The following CDH3 variants were observed in gnomAD, a reference collection of about 807,000 sequenced individuals.
CDH3 encodes cadherin 3.
Under a neutral mutation model 82.0 loss-of-function variants are expected in CDH3, and 54 were observed. The observed-to-expected ratio is 0.66, with a 90% CI of 0.53 to 0.83. The LOEUF is 0.83. Among genes scored for constraint, CDH3 ranks in the 40% least tolerant of loss-of-function variants. CDH3 has a pLI of 0.00. For synonymous variants in CDH3, 446 were observed against 437.9 expected (o/e 1.02, Z -0.23); for missense variants, 1,054 against 1,084.6 (o/e 0.97, Z 0.40).
chr16:68,705,916 T>A (rs1961955408), intron 1 of CDH3, among the ~76,000 whole-genome samples: 1 of 151,224 alleles, frequency 6.6e-6, no homozygotes, highest in South Asian at 2.1e-4. Context: ...ATACAAAACA[T>A]TAGCGCGGCG....
Position 68,646,080 on chromosome 16 carries a change from A to C in CDH3, c.160+330A>C. 3 of 360,994 alleles carry C rather than the reference A, an allele frequency of 8.3e-6. No individual in the cohort carries two copies. In the South Asian group the frequency reaches 1.0e-4, roughly 12 times the overall value. 22.4% of individuals were successfully genotyped at this position (360,994 alleles called of 1,614,324 possible). ...GCCCCAGCAGAGGAATGCGCCGGCC[A>C]CATTCTTCCCCCAACCCGCGCGCAG... On this transcript the variant is annotated intron_variant, in intron 2 of 15. Transcript: ENST00000264012.
At chr16:68,686,839 A>G (rs958574256) in intron 11 of CDH3, among the ~76,000 whole-genome samples, 1 of 152,184 alleles carries the variant, frequency 6.6e-6, no homozygotes, top group Non-Finnish European at 1.5e-5. Context: ...GTGGTGGCAC[A>G]CGCCTGTAGT....
intron 2 of CDH3, among the ~76,000 whole-genome samples, chr16:68,659,460 C>T (rs1960500091): frequency 6.6e-6 from 1 of 151,842 alleles, no homozygotes; most frequent in African/African-American, 2.4e-5. Flanking sequence ...GTCCCATCTA[C>T]TCTACTCAGG....
At chr16:68,657,642 G>T (rs1960442319) in intron 2 of CDH3, among the ~76,000 whole-genome samples, 1 of 152,204 alleles carries the variant, frequency 6.6e-6, no homozygotes, top group African/African-American at 2.4e-5. Context: ...GGGAGGGCTG[G>T]TGGGCTGCCT....
intron 9 of CDH3, among the ~76,000 whole-genome samples, chr16:68,682,902 T>G (rs963970270): frequency 9.2e-5 from 14 of 152,160 alleles, no homozygotes; most frequent in Non-Finnish European, 7.3e-5. Flanking sequence ...AGTCTCTTTT[T>G]TGTGTGTATG....
chr16:68,688,589 T>C (rs368067497), intron 12 of CDH3, among the ~76,000 whole-genome samples: 2 of 150,506 alleles, frequency 1.3e-5, no homozygotes, highest in African/African-American at 4.9e-5. Context: ...CTGTCTCAAA[T>C]AAAATAAAAT....
At chr16:68,658,880 G>T (rs1163695543) in intron 2 of CDH3, among the ~76,000 whole-genome samples, 1 of 152,006 alleles carries the variant, frequency 6.6e-6, no homozygotes, top group Non-Finnish European at 1.5e-5. Flanking sequence ...AATTGCCTGG[G>T]GAGCTTTTTA....
At chr16:68,651,072 C>T (rs1437571595) in intron 2 of CDH3, 5 of 422,058 alleles carry the variant, frequency 1.2e-5, no homozygotes, top group Non-Finnish European at 2.2e-5. Context: ...ATTCAGGGGC[C>T]TTCCCTGGGC....
rs11860187 is a variant in CDH3 at position 68,684,657 on chromosome 16, G to A, written c.1257G>A (p.Lys419=). The A allele has an allele frequency of 5.0e-3, 7,992 of 1,614,150 alleles. 386 individuals carry two copies. In the African/African-American group the frequency reaches 0.095, roughly 19 times the overall value. Residue 419 remains lysine (K), a synonymous_variant, in exon 10 of 16, where the codon AAG becomes AAA. Transcript: ENST00000264012. ...CCAACGAGGCCCCTTTTGTGCTGAA[G>A]CTCCCAACCTCCACAGCCACCATAG... ...EVTNEAPFVL[K]LPTSTATIVV... is the part of the protein sequence containing the mutation.
rs1257521034 is a variant in CDH3, at chr16:68,681,053, T to A, written c.953T>A (p.Ile318Asn). 4 of 1,613,922 alleles carry A rather than the reference T, an allele frequency of 2.5e-6. No individual in the cohort carries two copies. In the South Asian group the frequency reaches 3.3e-5, roughly 13 times the overall value. Reference sequence around the variant, plus strand: ...ACCACGGCAGTGGCAGTAGTGGAGATCCTTGATGCCAATGACAATGCTCCC... The same window carrying A: ...ACCACGGCAGTGGCAGTAGTGGAGAACCTTGATGCCAATGACAATGCTCCC... ...STTTAVAVVEILDANDNAPMF... is the reference protein window; with the variant it reads ...STTTAVAVVENLDANDNAPMF... The change falls in exon 8 of 16, where the codon ATC becomes AAC. Residue 318 changes from isoleucine (I) to asparagine (N), a missense_variant. Physicochemically the swap from Ile to Asn is moderately radical, Grantham distance 149. Coordinates refer to ENST00000264012, the MANE Select transcript of CDH3 (RefSeq NM_001793.6).
chr16:68,663,438 G>T (rs569398635), intron 2 of CDH3, among the ~76,000 whole-genome samples: 2 of 150,360 alleles, frequency 1.3e-5, no homozygotes, highest in South Asian at 2.1e-4. Flanking sequence ...GTTTCACCAC[G>T]TTAGCCAGGA....
intron 15 of CDH3, among the ~76,000 whole-genome samples, chr16:68,697,147 AC>A (rs1214661646): frequency 6.6e-6 from 1 of 151,708 alleles, no homozygotes; most frequent in African/African-American, 2.4e-5. Flanking sequence ...ACATGGTAAA[AC>A]CCTGTCTCTA....
At chr16:68,673,473 C>CTTT (rs35264410) in intron 2 of CDH3, among the ~76,000 whole-genome samples, 15 of 146,566 alleles carry the variant, frequency 1.0e-4, no homozygotes, top group Admixed American at 3.4e-4. Flanking sequence ...TGGTCAATTC[C>CTTT]TTTTTTTTTT....
intron 8 of CDH3, 78 bp from the exon 9 acceptor site, chr16:68,682,224 T>C: frequency 4.0e-6 from 6 of 1,491,146 alleles, no homozygotes; most frequent in South Asian, 1.2e-5. Context: ...TCCCCTGAGG[T>C]TGGATGGAGG....
At chr16:68,723,608 A>G (rs1962186907) in intron 2 of CDH3, among the ~76,000 whole-genome samples, 1 of 152,182 alleles carries the variant, frequency 6.6e-6, no homozygotes, top group Non-Finnish European at 1.5e-5. Context: ...AATTCCTTAC[A>G]CTATGTTCTG....
At chr16:68,726,876 C>T (rs928380412) in intron 2 of CDH3, among the ~76,000 whole-genome samples, 6 of 152,002 alleles carry the variant, frequency 3.9e-5, no homozygotes, top group Non-Finnish European at 5.9e-5. Flanking sequence ...ACCGCGCCCG[C>T]CCCAGCTGTG....
At chr16:68,697,305 C>A (rs1280189208) in intron 15 of CDH3, among the ~76,000 whole-genome samples, 1 of 149,626 alleles carries the variant, frequency 6.7e-6, no homozygotes, top group East Asian at 2.0e-4. Flanking sequence ...GCCTGGGCAA[C>A]AAAGGGAGAT....
At chr16:68,706,014 G>A (rs1386373664) in intron 1 of CDH3, among the ~76,000 whole-genome samples, 5 of 146,612 alleles carry the variant, frequency 3.4e-5, no homozygotes, top group African/African-American at 1.0e-4. Flanking sequence ...GCAGTGAGCC[G>A]AGATCATGCC....
chr16:68,704,927 GT>G (rs1961942375), downstream of CDH3, among the ~76,000 whole-genome samples: 1 of 152,064 alleles, frequency 6.6e-6, no homozygotes, highest in Admixed American at 6.6e-5. Context: ...TCTGAGTGTG[GT>G]GACACACACC....
Sources: allele counts gnomAD v4.1 joint callset (sites outside exome capture counted in the v4.1 genomes callset), GRCh38; gene constraint gnomAD v4.1.1; transcripts MANE v1.5; gene names NCBI Gene and HGNC (gene_info 2026-07-23, HGNC 2026-07-21).